The following FRAS1 variants were observed in gnomAD, a reference collection of about 807,000 sequenced individuals.
The protein encoded by FRAS1 is extracellular matrix organizing protein FRAS1.
In FRAS1, 290 loss-of-function variants were observed where a neutral mutation model predicts 435.2. The ratio of observed to expected loss-of-function variants is 0.67; its 90% confidence interval spans 0.61 to 0.73. The LOEUF (loss-of-function observed/expected upper bound fraction) is 0.73, where lower values mean the gene tolerates loss of function less well. Ranked by LOEUF, FRAS1 falls within the 30% of genes least tolerant of loss-of-function variation. The pLI is 0.00. For synonymous variants in FRAS1, 1,800 were observed against 1,851.0 expected, an observed-to-expected ratio of 0.97 and a Z score of 0.71; for missense variants, 4,860 against 5,001.5, an observed-to-expected ratio of 0.97 and a Z score of 0.85.
In FRAS1 at chr4:78,361,622, C is replaced by T. The variant is rs867107917; in HGVS notation, c.2423-1891C>T. On this transcript the variant is annotated intron_variant, in intron 20 of 73. Transcript: ENST00000512123. ...TCTGCTTCGTGTACAGGGAACACAT[C>T]CAGATGATCAACAGTTAGGATCACC... Among the ~76,000 whole-genome samples the T allele has an allele frequency of 7.9e-5, 12 of 152,200 alleles. No individual in the cohort carries two copies. In the South Asian group the frequency reaches 1.0e-3, roughly 13 times the overall value.
intron 9 of FRAS1, among the ~76,000 whole-genome samples, chr4:78,275,162 G>T (rs190918016): frequency 3.3e-5 from 5 of 152,006 alleles, no homozygotes; most frequent in Admixed American, 3.3e-4. Flanking sequence ...TTTTCCATTT[G>T]CTTGGTAGAT....
chr4:78,324,231 G>A (rs745792930), intron 18 of FRAS1, among the ~76,000 whole-genome samples: 4 of 152,046 alleles, frequency 2.6e-5, no homozygotes, highest in African/African-American at 7.2e-5. Context: ...ATTTGATTTA[G>A]CAAATAAAAA....
In FRAS1 at chr4:78,424,380, T is replaced by C; in HGVS notation, c.4679-8T>C. Reference sequence around the variant, plus strand: ...TTAATATACTGATTGTCTCTCTTACTCTTTTAGGTCTCCCAGAATCAGTGA... The same window carrying C: ...TTAATATACTGATTGTCTCTCTTACCCTTTTAGGTCTCCCAGAATCAGTGA... On this transcript the variant is annotated splice_region_variant and splice_polypyrimidine_tract_variant and intron_variant, in intron 34 of 73. Transcript: ENST00000512123. 3 of 1,455,780 alleles carry C rather than the reference T, an allele frequency of 2.1e-6. No homozygotes were observed. Among genetic ancestry groups the C allele is most frequent in the South Asian group, 1.4e-5 (1 of 71,162 alleles). The allele number at this position is 1,455,780 out of a possible 1,614,324, so 90.2% of individuals were successfully genotyped here.
intron 4 of FRAS1, among the ~76,000 whole-genome samples, chr4:78,248,039 G>T (rs150162417): frequency 1.3e-5 from 2 of 152,290 alleles, no homozygotes; most frequent in Admixed American, 1.3e-4. Context: ...GGAGCCTTGG[G>T]GGAGGACCTC....
chr4:78,115,952 C>A (rs992814950), intron 2 of FRAS1, among the ~76,000 whole-genome samples: 3 of 152,148 alleles, frequency 2.0e-5, no homozygotes, highest in Non-Finnish European at 4.4e-5. Flanking sequence ...TTCCTGCTTT[C>A]TCTTGTGGAC....
chr4:78,192,609 G>C (rs901937640), intron 2 of FRAS1, among the ~76,000 whole-genome samples: 2 of 152,112 alleles, frequency 1.3e-5, no homozygotes, highest in African/African-American at 4.8e-5. Context: ...CTGTGGGATA[G>C]GTGGTGATAT....
In FRAS1 at chr4:78,057,519, G is replaced by A. The variant is rs28398889; in HGVS notation, c.-491G>A. The A allele has an allele frequency of 0.081, 12,766 of 156,756 alleles. 1,471 individuals are homozygous for A. Among genetic ancestry groups the A allele is most frequent in the African/African-American group, 0.25 (10,573 of 41,558 alleles). The allele number at this position is 156,756 out of a possible 1,614,324, so 9.7% of individuals were successfully genotyped here. On this transcript the variant is annotated 5_prime_UTR_variant, in exon 1 of 74. Transcript: ENST00000512123. The surrounding 1 kb of genome is among the most constrained non-coding windows in gnomAD (Gnocchi z 4.2). ...AGTGGGTGTGGGTGGGTCTTTCGGG[G>A]CTCCCGGCGACCCGCGGTGCCGACG... is the stretch of plus-strand genomic sequence containing the variant.
At position 78,182,670 on chromosome 4, in the gene FRAS1, G is replaced by A. The variant is rs563869349; in HGVS notation, c.109-54840G>A. Among the ~76,000 whole-genome samples, 4 of 152,204 alleles carry A rather than the reference G, an allele frequency of 2.6e-5. No individual in the cohort carries two copies. The South Asian group carries it at 8.3e-4, about 32-fold the overall frequency. Reference sequence around the variant, plus strand: ...AGGCAGGCGGATCATTTGAGGTTAGGAGTCCGAGACCAGCCTGGCCAACGT... The same window carrying A: ...AGGCAGGCGGATCATTTGAGGTTAGAAGTCCGAGACCAGCCTGGCCAACGT... On this transcript the variant is annotated intron_variant, in intron 2 of 73. Coordinates refer to ENST00000512123, the MANE Select transcript of FRAS1 (RefSeq NM_025074.7).
chr4:78,131,515 G>A (rs897031911), intron 2 of FRAS1, among the ~76,000 whole-genome samples: 2 of 152,198 alleles, frequency 1.3e-5, no homozygotes, highest in African/African-American at 4.8e-5. Flanking sequence ...AGTCCAGTGG[G>A]AGGAATGACT....
chr4:78,421,758 G>A, intron 33 of FRAS1, 105 bp from the exon 34 acceptor site: 1 of 1,313,212 alleles, frequency 7.6e-7, no homozygotes, highest in Non-Finnish European at 1.1e-6. Context: ...AGTTTCCGAA[G>A]AATGTCAGAC....
intron 3 of FRAS1, 85 bp downstream of exon 3, chr4:78,237,702 G>C (rs1341482452): frequency 1.3e-5 from 8 of 604,460 alleles, no homozygotes; most frequent in Non-Finnish European, 1.9e-5. Context: ...ATCTGTTTTT[G>C]ACATTTATTC....
chr4:78,428,392 G>A (rs535339008), intron 35 of FRAS1, among the ~76,000 whole-genome samples: 3 of 151,660 alleles, frequency 2.0e-5, no homozygotes, highest in Admixed American at 6.6e-5. Context: ...GTGCAATCTC[G>A]GCTCACTGCA....
rs1009312470 is a variant in FRAS1, at chr4:78,331,723, G to T, written c.2138-1549G>T. Reference sequence around the variant, plus strand: ...CAGAAGATGGCCTGAAATGCATGGGGTTATCTGCATGAAGAACCAGGTCTT... The same window carrying T: ...CAGAAGATGGCCTGAAATGCATGGGTTTATCTGCATGAAGAACCAGGTCTT... On this transcript the variant is annotated intron_variant, in intron 18 of 73. Coordinates refer to ENST00000512123, the MANE Select transcript of FRAS1 (RefSeq NM_025074.7). Among the ~76,000 whole-genome samples, 9 of 152,106 alleles carry T rather than the reference G, an allele frequency of 5.9e-5. No individual in the cohort carries two copies. The South Asian group carries it at 1.9e-3, about 32-fold the overall frequency.
intron 6 of FRAS1, among the ~76,000 whole-genome samples, chr4:78,263,953 C>T (rs1726232993): frequency 6.6e-6 from 1 of 152,158 alleles, no homozygotes; most frequent in African/African-American, 2.4e-5. Context: ...GACTCCACCC[C>T]TCCCAAGTAG....
chr4:78,113,073 C>A (rs974008084), intron 2 of FRAS1, among the ~76,000 whole-genome samples: 14 of 152,166 alleles, frequency 9.2e-5, no homozygotes, highest in East Asian at 3.9e-4. Flanking sequence ...TGAGAACATG[C>A]GGTGTTTGGT....
In FRAS1 at chr4:78,439,062, A is replaced by T. The variant is rs984954699; in HGVS notation, c.5527A>T (p.Thr1843Ser). The part of the protein sequence containing the change: ...PPVIAFADLI[T>S]VDEGGRAPLS... ...AGTCATTGCTTTTGCTGACCTTATCACGGTAAACAATTCTCAGATCAATAA... is the reference window on the plus strand; with the variant it reads ...AGTCATTGCTTTTGCTGACCTTATCTCGGTAAACAATTCTCAGATCAATAA... Residue 1843 changes from threonine to serine, a missense_variant and splice_region_variant, in exon 40 of 74, where the codon ACG (threonine) becomes TCG (serine). Transcript: ENST00000512123. 9 of 1,611,394 alleles carry T rather than the reference A, an allele frequency of 5.6e-6. No homozygotes were observed. The highest frequency in any genetic ancestry group is 1.3e-5 in the African/African-American group (1 of 74,842).
chr4:78,521,410 T>G, intron 67 of FRAS1, 113 bp from the exon 68 acceptor site: 1 of 654,146 alleles, frequency 1.5e-6, no homozygotes, highest in Non-Finnish European at 2.7e-6. Flanking sequence ...TCTTGTTACA[T>G]TCAAATAAAT....
Position 78,252,488 on chromosome 4 carries a change from G to A in FRAS1, c.406G>A (p.Gly136Arg), listed in dbSNP as rs955431538. 1 of 1,613,794 alleles carries A rather than the reference G, an allele frequency of 6.2e-7. No homozygotes were observed. The highest frequency in any genetic ancestry group is 1.7e-5 in the Admixed American group (1 of 59,986). ...CCAACCATGCCCACCGCTGTCATGT[G>A]GACACCAGGAGCTGGCATTCATCCC... ...TPQPCPPLSC[G>R]HQELAFIPEG... The change falls in exon 5 of 74, where the codon GGA becomes AGA. Residue 136 changes from glycine to arginine, a missense_variant. Gly to Arg is a moderately radical substitution (Grantham distance 125). Coordinates refer to ENST00000512123, the MANE Select transcript of FRAS1 (RefSeq NM_025074.7).
intron 2 of FRAS1, among the ~76,000 whole-genome samples, chr4:78,120,186 A>G (rs1473539921): frequency 6.6e-6 from 1 of 152,212 alleles, no homozygotes; most frequent in Non-Finnish European, 1.5e-5. Context: ...ATATGTGCCA[A>G]GTATCTTGAA....
Sources: gnomAD v4.1 joint callset for allele counts (sites outside exome capture counted in the v4.1 genomes callset) on GRCh38, gnomAD v4.1.1 for gene constraint, Gnocchi (gnomAD v3.1) non-coding constraint, MANE v1.5 for transcripts, NCBI Gene and HGNC (gene_info 2026-07-23, HGNC 2026-07-21) for gene names.